The following NUP42 variants were observed in gnomAD, a reference collection of about 807,000 sequenced individuals.
NUP42 encodes nucleoporin NUP42.
A neutral mutation model predicts 35.9 loss-of-function variants in NUP42; 47 were observed. The observed-to-expected ratio is 1.31, with a 90% CI of 1.04 to 1.67. The LOEUF (loss-of-function observed/expected upper bound fraction) is 1.67, where lower values mean the gene tolerates loss of function less well. Ranked by LOEUF, NUP42 falls within the 40% of genes most tolerant of loss-of-function variation. The pLI, the probability that NUP42 is intolerant of heterozygous loss-of-function variation, is 0.00. For synonymous variants in NUP42, 173 were observed against 173.3 expected (o/e 1.00, Z 0.01); for missense variants, 514 against 492.2 (o/e 1.04, Z -0.42).
At chr7:23,200,139 G>A in intron 6 of NUP42, 29 bp from the exon 7 acceptor site, 1 of 1,397,434 alleles carries the variant, frequency 7.2e-7, no homozygotes, top group Non-Finnish European at 9.6e-7. Flanking sequence ...GATTTTTGTT[G>A]TTTTTTTTGT....
At chr7:23,189,915 A>G (rs1312214502) in intron 3 of NUP42, among the ~76,000 whole-genome samples, 2 of 150,712 alleles carry the variant, frequency 1.3e-5, no homozygotes, top group Non-Finnish European at 3.0e-5. Flanking sequence ...TCTGTCTCAA[A>G]AAAAAAAAAA....
At chr7:23,191,844 T>C (rs1785803735) in intron 3 of NUP42, among the ~76,000 whole-genome samples, 1 of 152,028 alleles carries the variant, frequency 6.6e-6, no homozygotes, top group Non-Finnish European at 1.5e-5. Flanking sequence ...GGCACATTCC[T>C]ATAGTCCCAG....
intron 3 of NUP42, among the ~76,000 whole-genome samples, chr7:23,193,690 C>T (rs998317161): frequency 6.6e-6 from 1 of 152,240 alleles, no homozygotes; most frequent in Admixed American, 6.5e-5. Flanking sequence ...CACACCAGGG[C>T]CACAGGTGGA....
chr7:23,193,363 T>C (rs1785880569), intron 3 of NUP42, among the ~76,000 whole-genome samples: 1 of 152,170 alleles, frequency 6.6e-6, no homozygotes, highest in Admixed American at 6.5e-5. Flanking sequence ...CCAAGTGGTC[T>C]GTTTTGACAG....
At chr7:23,187,579 C>T (rs1228396906) in intron 3 of NUP42, among the ~76,000 whole-genome samples, 4 of 146,362 alleles carry the variant, frequency 2.7e-5, no homozygotes, top group Non-Finnish European at 6.0e-5. Flanking sequence ...GGAGGCTTAG[C>T]TGGGCTACAG....
chr7:23,198,037 A>G (rs1583779113), intron 5 of NUP42, among the ~76,000 whole-genome samples: 1 of 151,800 alleles, frequency 6.6e-6, no homozygotes, highest in East Asian at 2.0e-4. Flanking sequence ...TCACAAGGTC[A>G]GGAGTTTAAG....
intron 4 of NUP42, 113 bp downstream of exon 4, chr7:23,196,028 G>A: frequency 2.2e-6 from 1 of 460,852 alleles, no homozygotes; most frequent in African/African-American, 2.0e-5. Flanking sequence ...TCTTTTTTCA[G>A]GAGTAGGCTA....
In NUP42 at chr7:23,199,472, G is replaced by C. The variant is rs772868016; in HGVS notation, c.624G>C (p.Lys208Asn). ...TTTTTTTTCAGCTCTCTGATGTAAA[G>C]GATGGAGTAAATCAAGCAGCACCTG... ...STKVALLSDV[K>N]DGVNQAAPAF... The change falls in exon 6 of 7, where the codon AAG (lysine) becomes AAC (asparagine). Residue 208 changes from lysine to asparagine, a missense_variant. Lys to Asn is a moderately conservative substitution (Grantham distance 94). Coordinates refer to ENST00000258742, the MANE Select transcript of NUP42 (RefSeq NM_007342.3). The C allele has an allele frequency of 2.5e-6, 4 of 1,613,822 alleles. No homozygotes were observed. The highest frequency in any genetic ancestry group is 3.4e-6 in the Non-Finnish European group (4 of 1,179,910).
chr7:23,183,987 C>G lies in NUP42; in HGVS notation c.122-1083C>G, dbSNP rs1052264248. On this transcript the variant is annotated intron_variant, in intron 1 of 6. Coordinates refer to ENST00000258742, the MANE Select transcript of NUP42 (RefSeq NM_007342.3). ...ACTTTTAATATAATTAATGGCTTAT[C>G]TCTTTATTCAGTCAGAAACAAGATG... is the stretch of plus-strand genomic sequence containing the variant. Among the ~76,000 whole-genome samples, 14 of 148,476 alleles carry G rather than the reference C, an allele frequency of 9.4e-5. No individual in the cohort carries two copies. The South Asian group carries it at 1.9e-3, about 20-fold the overall frequency.
chr7:23,182,829 G>T (rs1337751999), intron 1 of NUP42, among the ~76,000 whole-genome samples: 4 of 149,388 alleles, frequency 2.7e-5, no homozygotes, highest in Non-Finnish European at 5.9e-5. Flanking sequence ...CAGGAGAATC[G>T]CTTGAACCCG....
Position 23,200,379 on chromosome 7 carries a change from AT to A in NUP42, c.908del (p.Phe303SerfsTer91), listed in dbSNP as rs756945837. Reference sequence around the variant, plus strand: ...AAGTCACATCGGCTGCATCATTTTCATTCAAAAGCCCTGCAGCTTCCAGTTT... The same window carrying A: ...AAGTCACATCGGCTGCATCATTTTCATCAAAAGCCCTGCAGCTTCCAGTTT... ...PEVTSAASFS[F>X]KSPAASSFGS... On this transcript the variant is annotated frameshift_variant, in exon 7 of 7. Transcript: ENST00000258742. LOFTEE classifies it low-confidence loss of function (END_TRUNC). The A allele has an allele frequency of 2.5e-6, 4 of 1,614,048 alleles. No individual in the cohort carries two copies. The highest frequency in any genetic ancestry group is 3.4e-6 in the Non-Finnish European group (4 of 1,179,972).
intron 3 of NUP42, among the ~76,000 whole-genome samples, chr7:23,193,080 G>A (rs1318247840): frequency 1.3e-5 from 2 of 151,356 alleles, no homozygotes; most frequent in Non-Finnish European, 2.9e-5. Context: ...AAGGCGGCCC[G>A]TCTGGAGTTG....
intron 3 of NUP42, chr7:23,187,992 C>G (rs764200025): frequency 2.7e-4 from 253 of 944,568 alleles, no homozygotes; most frequent in Non-Finnish European, 3.7e-5. Flanking sequence ...TTCTCTCTCT[C>G]TTTTTTTATT....
At chr7:23,196,488 C>T (rs1001679517) in intron 4 of NUP42, 192 bp from the exon 5 acceptor site, 8 of 529,368 alleles carry the variant, frequency 1.5e-5, no homozygotes, top group South Asian at 4.4e-5. Flanking sequence ...AGGAGTTGAA[C>T]GGGAGAGGGA....
chr7:23,200,033 C>T (rs948178329), intron 6 of NUP42, 135 bp from the exon 7 acceptor site: 5 of 664,218 alleles, frequency 7.5e-6, no homozygotes, highest in African/African-American at 3.7e-5. Flanking sequence ...TTCCTCATCT[C>T]GTCCGTCCAG....
chr7:23,198,936 C>A (rs748957716), intron 5 of NUP42, among the ~76,000 whole-genome samples: 1 of 152,090 alleles, frequency 6.6e-6, no homozygotes, highest in Non-Finnish European at 1.5e-5. Context: ...TTTAAATCAC[C>A]TGTAATTTAT....
At chr7:23,191,642 T>C (rs1045622132) in intron 3 of NUP42, among the ~76,000 whole-genome samples, 3 of 152,172 alleles carry the variant, frequency 2.0e-5, no homozygotes, top group African/African-American at 7.2e-5. Flanking sequence ...TTGTAGAAAA[T>C]ATCTTGAACA....
At chr7:23,199,376 A>T (rs1262582092) in intron 5 of NUP42, 82 bp from the exon 6 acceptor site, 1 of 1,189,592 alleles carries the variant, frequency 8.4e-7, no homozygotes, top group Non-Finnish European at 1.3e-6. Flanking sequence ...TAAAAACTTG[A>T]ATTTGTCCAT....
chr7:23,182,384 C>A, intron 1 of NUP42, 178 bp downstream of exon 1: 1 of 1,409,310 alleles, frequency 7.1e-7, no homozygotes, highest in Non-Finnish European at 9.2e-7. Context: ...ACATATTATT[C>A]ATGTGGTCCG....
Sources: gnomAD v4.1 joint callset for allele counts (sites outside exome capture counted in the v4.1 genomes callset) on GRCh38, gnomAD v4.1.1 for gene constraint, MANE v1.5 for transcripts, NCBI Gene and HGNC (gene_info 2026-07-23, HGNC 2026-07-21) for gene names.